Variants in ZNF347 observed in about 807,000 individuals in gnomAD.
ZNF347 encodes zinc finger protein 347, also known as CTD-2620I22.7.
ZNF347 carries 19 observed loss-of-function variants against 12.9 expected under a neutral mutation model. The ratio of observed to expected loss-of-function variants is 1.47; its 90% confidence interval spans 1.03 to 2.16. The LOEUF is 2.16. Among genes scored for constraint, ZNF347 ranks in the 30% most tolerant of loss-of-function variants. The pLI is 0.00. For missense variants in ZNF347, 1,005 were observed against 990.6 expected (o/e 1.01, Z -0.19); for synonymous variants, 328 against 340.6 (o/e 0.96, Z 0.41).
Position 53,140,605 on chromosome 19 carries a change from C to G in ZNF347, c.2223G>C (p.Glu741Asp). ...AATTCTGAGTGAAGACCTTCCCACA[C>G]TCATTGCATTTGTAAGGTTTTTTTC... ...HTGKKPYKCN[E>D]CGKVFTQNSH... is the part of the protein sequence containing the mutation. The change falls in exon 5 of 5, where the codon GAG becomes GAC. Residue 741 changes from glutamate (E) to aspartate (D), a missense_variant. By Grantham distance (45) the Glu-to-Asp change is conservative (BLOSUM62 2). Coordinates refer to ENST00000334197, the MANE Select transcript of ZNF347 (RefSeq NM_032584.3). The G allele has an allele frequency of 1.9e-6, 3 of 1,613,710 alleles. No homozygotes were observed. In the Admixed American group the frequency reaches 5.0e-5, roughly 27 times the overall value.
At position 53,140,493 on chromosome 19, in the gene ZNF347, T is replaced by C. The variant is rs147804678; in HGVS notation, c.2335A>G (p.Lys779Glu). Residue 779 changes from lysine (K) to glutamate (E), a missense_variant, in exon 5 of 5, where the codon AAA (lysine) becomes GAA (glutamate). Physicochemically the swap from Lys to Glu is moderately conservative, Grantham distance 56 (BLOSUM62 1). Transcript: ENST00000334197. ...ECGKAFSQTS[K>E]LARHQRIHTG... is the part of the protein sequence containing the mutation. ...TGAATTCTCTGATGCCTTGCAAGTT[T>C]TGAAGTTTGACTAAAGGCTTTGCCA... 1,152 of 1,613,818 alleles carry C rather than the reference T, an allele frequency of 7.1e-4. 3 individuals are homozygous for C. Among genetic ancestry groups the C allele is most frequent in the Non-Finnish European group, 9.0e-4 (1,063 of 1,179,898 alleles).
rs182648448 is a variant in ZNF347, at chr19:53,136,622, T to C, written c.*3686A>G. ...AAGCTATGGAGAATATGTTACACAA[T>C]ACCATAAACTGAACAAGACATGAAT... is the stretch of plus-strand genomic sequence containing the variant. On this transcript the variant is annotated 3_prime_UTR_variant, in exon 5 of 5. Coordinates refer to ENST00000334197, the MANE Select transcript of ZNF347 (RefSeq NM_032584.3). The C allele has an allele frequency of 5.9e-4, 90 of 151,712 alleles. 1 individual carries two copies. Among genetic ancestry groups the C allele is most frequent in the African/African-American group, 1.9e-3 (78 of 41,378 alleles). 9.4% of individuals were successfully genotyped at this position (151,712 alleles called of 1,614,324 possible).
intron 1 of ZNF347, among the ~76,000 whole-genome samples, chr19:53,155,335 T>TA (rs55809447): frequency 7.2e-6 from 1 of 139,308 alleles, no homozygotes; most frequent in African/African-American, 2.7e-5. Flanking sequence ...TGTGTGTGTG[T>TA]TTGTTTTTTG....
chr19:53,141,962 T>C lies in ZNF347; in HGVS notation c.866A>G (p.Tyr289Cys). ...HQRSHTKEKP[Y>C]KCYECGKAFR... is the part of the protein sequence containing the mutation. ...GGCTTTGCCACACTCATAACATTTGTAAGGTTTCTCTTTAGTATGACTTCT... is the reference window on the plus strand; with the variant it reads ...GGCTTTGCCACACTCATAACATTTGCAAGGTTTCTCTTTAGTATGACTTCT... Residue 289 changes from tyrosine (Y) to cysteine (C), a missense_variant, in exon 5 of 5, where the codon TAC becomes TGC. Coordinates refer to ENST00000334197, the MANE Select transcript of ZNF347 (RefSeq NM_032584.3). 1 of 1,614,090 alleles carries C rather than the reference T, an allele frequency of 6.2e-7. No individual in the cohort carries two copies. The highest frequency in any genetic ancestry group is 8.5e-7 in the Non-Finnish European group (1 of 1,180,010).
chr19:53,149,062 C>T (rs1159410145), intron 3 of ZNF347, 179 bp downstream of exon 3: 1 of 1,305,610 alleles, frequency 7.7e-7, no homozygotes, highest in East Asian at 2.5e-5. Flanking sequence ...CTGAAACCCT[C>T]CAGTGACATC....
intron 1 of ZNF347, among the ~76,000 whole-genome samples, chr19:53,156,372 C>A (rs1263019859): frequency 6.6e-6 from 1 of 151,600 alleles, no homozygotes; most frequent in Non-Finnish European, 1.5e-5. Context: ...CACTGCACTC[C>A]AGCCTGGACA....
intron 2 of ZNF347, 47 bp from the exon 3 acceptor site, chr19:53,149,414 A>G (rs778152544): frequency 1.6e-5 from 25 of 1,610,670 alleles, no homozygotes; most frequent in East Asian, 8.9e-5. Flanking sequence ...GAAAAGCTCC[A>G]ATCTTCACAT....
At position 53,141,926 on chromosome 19, in the gene ZNF347, C is replaced by A. The variant is rs572008610; in HGVS notation, c.902G>T (p.Arg301Leu). The A allele has an allele frequency of 3.1e-6, 5 of 1,613,160 alleles. No individual in the cohort carries two copies. Among genetic ancestry groups the A allele is most frequent in the South Asian group, 1.1e-5 (1 of 90,896 alleles). ...CACCTGATGGGTAGTTAGGTTTGAACGTGTTCTAAAGGCTTTGCCACACTC... is the reference window on the plus strand; with the variant it reads ...CACCTGATGGGTAGTTAGGTTTGAAAGTGTTCTAAAGGCTTTGCCACACTC... ...CYECGKAFRT[R>L]SNLTTHQVIH... Residue 301 changes from arginine (R) to leucine (L), a missense_variant, in exon 5 of 5, where the codon CGT becomes CTT. Physicochemically the swap from Arg to Leu is moderately radical, Grantham distance 102 (BLOSUM62 -2). Transcript: ENST00000334197.
rs370082084 is a variant in ZNF347 at position 53,140,577 on chromosome 19, G to A, written c.2251C>T (p.His751Tyr). The A allele has an allele frequency of 3.7e-6, 6 of 1,613,780 alleles. No individual in the cohort carries two copies. Among genetic ancestry groups the A allele is most frequent in the Non-Finnish European group, 5.1e-6 (6 of 1,179,896 alleles). ...TGAATTCCCCGATGTCTTGCAAGGT[G>A]TGAATTCTGAGTGAAGACCTTCCCA... The part of the protein sequence containing the change: ...ECGKVFTQNS[H>Y]LARHRGIHTG... The change falls in exon 5 of 5, where the codon CAC becomes TAC. Residue 751 changes from histidine to tyrosine, a missense_variant. By Grantham distance (83) the His-to-Tyr change is moderately conservative. Transcript: ENST00000334197.
At position 53,149,128 on chromosome 19, in the gene ZNF347, T is replaced by C. The variant is rs1296061001; in HGVS notation, c.142+113A>G. ...CATTATGGAGATTTTCATTTTTCAG[T>C]CAACACAGCTTCAGTCTCAGCCAAG... On this transcript the variant is annotated intron_variant, in intron 3 of 4. Transcript: ENST00000334197. 11 of 1,550,860 alleles carry C rather than the reference T, an allele frequency of 7.1e-6. No individual in the cohort carries two copies. The East Asian group carries it at 2.3e-4, about 32-fold the overall frequency.
rs764745011 is a variant in ZNF347, at chr19:53,153,784, AG to A, written c.-38del. On this transcript the variant is annotated 5_prime_UTR_variant, in exon 2 of 5. Transcript: ENST00000334197. ...CTTTCTTTCCTCTTCCTCTTCTTCAAGGGTTCTTCCTTAGGTAACAGGAAAG... is the reference window on the plus strand; with the variant it reads ...CTTTCTTTCCTCTTCCTCTTCTTCAAGGTTCTTCCTTAGGTAACAGGAAAG... 6.2e-7 allele frequency: 1 copy of A among 1,614,006 alleles called. No individual in the cohort carries two copies. The highest frequency in any genetic ancestry group is 1.3e-5 in the African/African-American group (1 of 75,042).
Position 53,159,025 on chromosome 19 carries a change from C to G in ZNF347, c.-63G>C, listed in dbSNP as rs887393853. 1 of 152,202 alleles carries G rather than the reference C, an allele frequency of 6.6e-6. No individual in the cohort carries two copies. The highest frequency in any genetic ancestry group is 2.1e-4 in the South Asian group (1 of 4,828). 9.4% of individuals were successfully genotyped at this position (152,202 alleles called of 1,614,324 possible). On this transcript the variant is annotated 5_prime_UTR_variant, in exon 1 of 5. Coordinates refer to ENST00000334197, the MANE Select transcript of ZNF347 (RefSeq NM_032584.3). The stretch of plus-strand genomic sequence containing the variant: ...GACACTCACGCTCGGCGGCGTCACC[C>G]GCACCCAACACGATCCGCTTCCGGA...
intron 4 of ZNF347, among the ~76,000 whole-genome samples, chr19:53,146,878 T>G (rs1394146916): frequency 6.6e-6 from 1 of 151,920 alleles, no homozygotes; most frequent in South Asian, 2.1e-4. Context: ...AAAAAAAATT[T>G]CATGTAGAAG....
rs750692946 is a variant in ZNF347, at chr19:53,149,202, A to G, written c.142+39T>C. ...CCACATGGAAAATGAAAAGATACACAGGGGCAGATCCTGACTTCTGGAAGA... is the reference window on the plus strand; with the variant it reads ...CCACATGGAAAATGAAAAGATACACGGGGGCAGATCCTGACTTCTGGAAGA... On this transcript the variant is annotated intron_variant, in intron 3 of 4. Coordinates refer to ENST00000334197, the MANE Select transcript of ZNF347 (RefSeq NM_032584.3). The G allele has an allele frequency of 6.9e-6, 11 of 1,605,722 alleles. No individual in the cohort carries two copies. The African/African-American group carries it at 1.2e-4, about 18-fold the overall frequency.
intron 4 of ZNF347, among the ~76,000 whole-genome samples, chr19:53,144,562 A>C (rs1238330076): frequency 6.7e-6 from 1 of 149,692 alleles, no homozygotes; most frequent in African/African-American, 2.4e-5. Context: ...GAAAACCAAT[A>C]AAAAAAAAAT....
At position 53,142,314 on chromosome 19, in the gene ZNF347, T is replaced by C. The variant is rs1378686513; in HGVS notation, c.514A>G (p.Lys172Glu). The change falls in exon 5 of 5, where the codon AAA becomes GAA. Residue 172 changes from lysine to glutamate, a missense_variant. Physicochemically the swap from Lys to Glu is moderately conservative, Grantham distance 56. Transcript: ENST00000334197. ...ATAAGCTTGTTTCTTGCATCTCTTT[T>C]ATCATGTTCATCTCTTCCATGAGTG... The part of the protein sequence containing the change: ...NLTHGRDEHD[K>E]RDARNKLIKN... 1 of 1,614,162 alleles carries C rather than the reference T, an allele frequency of 6.2e-7. No homozygotes were observed. The highest frequency in any genetic ancestry group is 2.2e-5 in the East Asian group (1 of 44,878).
chr19:53,156,768 A>G (rs1011045424), intron 1 of ZNF347, among the ~76,000 whole-genome samples: 3 of 152,176 alleles, frequency 2.0e-5, no homozygotes, highest in Admixed American at 1.3e-4. Flanking sequence ...TTCAGGTACC[A>G]ACGGGAGACT....
At position 53,139,659 on chromosome 19, in the gene ZNF347, TGA is replaced by T. The variant is rs1214955109; in HGVS notation, c.*647_*648del. 6.6e-6 allele frequency: 1 copy of T among 152,220 alleles called. No homozygotes were observed. The highest frequency in any genetic ancestry group is 1.9e-4 in the East Asian group (1 of 5,198). The allele number at this position is 152,220 out of a possible 1,614,324, so 9.4% of individuals were successfully genotyped here. ...AAAAGTGAATCAAAGAACTAGAGAC[TGA>T]GTCACTCTTTGTATGAATCCTCACC... On this transcript the variant is annotated 3_prime_UTR_variant, in exon 5 of 5. Transcript: ENST00000334197.
intron 4 of ZNF347, 72 bp downstream of exon 4, chr19:53,148,607 ACT>A (rs2090477418): frequency 1.3e-6 from 2 of 1,499,450 alleles, no homozygotes; most frequent in Non-Finnish European, 1.8e-6. Context: ...TTCCCACAGA[ACT>A]CTCAGATTTG....
Sources: allele counts gnomAD v4.1 joint callset (sites outside exome capture counted in the v4.1 genomes callset), GRCh38; gene constraint gnomAD v4.1.1; transcripts MANE v1.5; gene names NCBI Gene and HGNC (gene_info 2026-07-23, HGNC 2026-07-21).